Variants in SCN11A observed in about 807,000 individuals in gnomAD.
The protein encoded by SCN11A is sodium channel protein type 11 subunit alpha.
Under a neutral mutation model 162.2 loss-of-function variants are expected in SCN11A, and 122 were observed. That is an observed-to-expected ratio of 0.75 (90% CI 0.65 to 0.87). The LOEUF is 0.87. Ranked by LOEUF, SCN11A falls within the 40% of genes least tolerant of loss-of-function variation. SCN11A has a pLI of 0.00. For synonymous variants in SCN11A, 758 were observed against 751.5 expected (o/e 1.01, Z -0.14); for missense variants, 2,015 against 2,181.6 (o/e 0.92, Z 1.52).
At chr3:39,022,580 G>A (rs1207983816) in intron 2 of SCN11A, among the ~76,000 whole-genome samples, 4 of 152,156 alleles carry the variant, frequency 2.6e-5, no homozygotes, top group Admixed American at 2.6e-4. Context: ...CTCAGATCCT[G>A]AGTTAAACAC....
chr3:38,985,097 T>A (rs1011332353), intron 2 of SCN11A, among the ~76,000 whole-genome samples: 1 of 149,834 alleles, frequency 6.7e-6, no homozygotes, highest in Non-Finnish European at 1.5e-5. Context: ...ATATTCGGAT[T>A]TTTTAAAAAA....
chr3:38,966,533 T>G (rs1302120976), intron 2 of SCN11A, among the ~76,000 whole-genome samples: 1 of 152,236 alleles, frequency 6.6e-6, no homozygotes, highest in Non-Finnish European at 1.5e-5. Context: ...ATGCATAGAA[T>G]GTGTAGCAAC....
In SCN11A at chr3:39,033,856, A is replaced by G. The variant is rs114652764; in HGVS notation, c.-403-1353T>C. On this transcript the variant is annotated intron_variant, in intron 1 of 29. Coordinates refer to ENST00000302328, the MANE Select transcript of SCN11A (RefSeq NM_001349253.2). ...TAGCATTTACATTGTATTGGGTATA[A>G]GTAATCTAGAGATAATTAAAAGTAT... Among the ~76,000 whole-genome samples, 1,181 of 152,330 alleles carry G rather than the reference A, an allele frequency of 7.8e-3. 10 individuals are homozygous for G. Among genetic ancestry groups the G allele is most frequent in the African/African-American group, 0.023 (937 of 41,562 alleles).
intron 2 of SCN11A, among the ~76,000 whole-genome samples, chr3:38,985,323 G>A (rs1341890075): frequency 4.0e-5 from 6 of 150,104 alleles, no homozygotes; most frequent in Admixed American, 1.3e-4. Flanking sequence ...GTAGAGACGG[G>A]GTTTCACCGT....
At chr3:38,984,263 T>C (rs951839539) in intron 2 of SCN11A, among the ~76,000 whole-genome samples, 6 of 152,228 alleles carry the variant, frequency 3.9e-5, no homozygotes, top group Non-Finnish European at 8.8e-5. Context: ...GACCAACATG[T>C]TCAGAGCTGC....
At chr3:38,944,650 A>G (rs1006344633) in intron 7 of SCN11A, among the ~76,000 whole-genome samples, 1 of 151,704 alleles carries the variant, frequency 6.6e-6, no homozygotes, top group African/African-American at 2.4e-5. Flanking sequence ...CTAAGAGTGT[A>G]TCTCAAGAAA....
In SCN11A at chr3:38,903,858, A is replaced by G; in HGVS notation, c.1842+7T>C. 6.4e-7 allele frequency: 1 copy of G among 1,551,726 alleles called. No individual in the cohort carries two copies. The highest frequency in any genetic ancestry group is 1.2e-5 in the South Asian group (1 of 85,198). On this transcript the variant is annotated splice_region_variant and intron_variant, in intron 16 of 29. Coordinates refer to ENST00000302328, the MANE Select transcript of SCN11A (RefSeq NM_001349253.2). ...ATGTTTTTTATTTTTAAAAAGTGTA[A>G]TGTTACCAAATTCCCTATATTCAAC...
rs2066020035 is a variant in SCN11A at position 38,920,017 on chromosome 3, G to C, written c.893-16C>G. 6 of 1,592,286 alleles carry C rather than the reference G, an allele frequency of 3.8e-6. No individual in the cohort carries two copies. The highest frequency in any genetic ancestry group is 4.3e-6 in the Non-Finnish European group (5 of 1,163,752). On this transcript the variant is annotated splice_polypyrimidine_tract_variant and intron_variant, in intron 10 of 29. Coordinates refer to ENST00000302328, the MANE Select transcript of SCN11A (RefSeq NM_001349253.2). ...AAGCAATGGTCTGAGAGAGGAAAAAGTCATAAATTCAGATTTTAAAAAAAA... is the reference window on the plus strand; with the variant it reads ...AAGCAATGGTCTGAGAGAGGAAAAACTCATAAATTCAGATTTTAAAAAAAA...
chr3:38,852,792 C>A (rs1041902703), intron 28 of SCN11A, among the ~76,000 whole-genome samples: 7 of 152,326 alleles, frequency 4.6e-5, no homozygotes, highest in African/African-American at 1.4e-4. Flanking sequence ...GGGTCAATGG[C>A]TAACTGTTGA....
rs942223152 is a variant in SCN11A, at chr3:39,035,556, CT to C, written c.-403-3054del. ...GTCTGGGCAAAATTTTTTCTTTTTT[CT>C]TTTTTTAGAGATGGGATCTCCCTAT... On this transcript the variant is annotated intron_variant, in intron 1 of 29. Coordinates refer to ENST00000302328, the MANE Select transcript of SCN11A (RefSeq NM_001349253.2). Among the ~76,000 whole-genome samples the C allele has an allele frequency of 2.9e-4, 44 of 151,978 alleles. 1 individual carries two copies. In the Middle Eastern group the frequency reaches 0.017, roughly 59 times the overall value.
chr3:38,865,771 A>C (rs147309613), intron 27 of SCN11A, among the ~76,000 whole-genome samples: 1 of 152,316 alleles, frequency 6.6e-6, no homozygotes, highest in East Asian at 1.9e-4. Context: ...GATATAAATA[A>C]AAAACTCTTA....
chr3:38,900,627 C>CAA (rs200757973), intron 16 of SCN11A, among the ~76,000 whole-genome samples: 12 of 101,804 alleles, frequency 1.2e-4, no homozygotes, highest in Non-Finnish European at 2.3e-4. Context: ...CTTCCAGGGG[C>CAA]AAAAAAAAAA....
chr3:38,883,434 T>C (rs1412558366), intron 21 of SCN11A, 47 bp from the exon 22 acceptor site: 4 of 1,548,032 alleles, frequency 2.6e-6, no homozygotes, highest in African/African-American at 1.4e-5. Flanking sequence ...TGTAATAAAC[T>C]GCATTAAAAT....
At chr3:38,959,818 G>T (rs1305534630) in intron 3 of SCN11A, among the ~76,000 whole-genome samples, 1 of 152,186 alleles carries the variant, frequency 6.6e-6, no homozygotes, top group African/African-American at 2.4e-5. Context: ...TAATGAAATT[G>T]ATCTCAATTC....
At chr3:38,971,738 A>G (rs2066818296) in intron 2 of SCN11A, among the ~76,000 whole-genome samples, 1 of 152,176 alleles carries the variant, frequency 6.6e-6, no homozygotes, top group South Asian at 2.1e-4. Context: ...TTCTTGGTGA[A>G]TGAGCCTCAT....
At position 38,929,143 on chromosome 3, in the gene SCN11A, A is replaced by G. The variant is rs1262875910; in HGVS notation, c.489-2212T>C. ...ATACTGGGTCTGTGCACGCACACAC[A>G]CACACACACACACACACACACACAC... On this transcript the variant is annotated intron_variant, in intron 7 of 29. Transcript: ENST00000302328. 2.3e-3 allele frequency among the ~76,000 whole-genome samples: 232 copies of G among 102,004 alleles called. 2 individuals are homozygous for G. Among genetic ancestry groups the G allele is most frequent in the African/African-American group, 5.8e-3 (213 of 37,022 alleles). 66.9% of individuals were successfully genotyped at this position (102,004 alleles called of 152,430 possible).
chr3:38,946,131 A>G (rs957581176), intron 6 of SCN11A, among the ~76,000 whole-genome samples: 1 of 152,176 alleles, frequency 6.6e-6, no homozygotes, highest in Non-Finnish European at 1.5e-5. Context: ...TAAGACTGAC[A>G]TTGCAAACCC....
intron 23 of SCN11A, among the ~76,000 whole-genome samples, chr3:38,877,176 GTATA>G (rs1212463295): frequency 1.2e-5 from 1 of 81,456 alleles, no homozygotes; most frequent in East Asian, 3.0e-4. Flanking sequence ...TATATATATG[GTATA>G]TATATGGTGT....
At chr3:38,938,548 ATATTTTTTTTTTTTTT>A (rs1176638679) in intron 7 of SCN11A, among the ~76,000 whole-genome samples, 8 of 16,940 alleles carry the variant, frequency 4.7e-4, no homozygotes, top group African/African-American at 2.3e-3. Flanking sequence ...ATATATATAT[ATATTTTTTTTTTTTTT>A]TTTTTTTTTT....
Sources: gnomAD v4.1 joint callset for allele counts (sites outside exome capture counted in the v4.1 genomes callset) on GRCh38, gnomAD v4.1.1 for gene constraint, MANE v1.5 for transcripts, NCBI Gene and HGNC (gene_info 2026-07-23, HGNC 2026-07-21) for gene names.